RAI2: variants seen among roughly 807,000 people sequenced by gnomAD.
The protein encoded by RAI2 is retinoic acid induced 2.
RAI2 carries 5 observed loss-of-function variants against 15.3 expected under a neutral mutation model. The ratio of observed to expected loss-of-function variants is 0.33; its 90% CI spans 0.17 to 0.69. The LOEUF (loss-of-function observed/expected upper bound fraction) is 0.69, where lower values mean the gene tolerates loss of function less well. Ranked by LOEUF, RAI2 falls within the 30% of genes least tolerant of loss-of-function variation. The probability of loss-of-function intolerance (pLI) is 0.69; values close to 1 mark genes in which losing one functional copy is unlikely to be tolerated. For synonymous variants in RAI2, 191 were observed against 184.0 expected (o/e 1.04, Z -0.31); for missense variants, 424 against 424.7 (o/e 1.00, Z 0.01).
chrX:17,834,040 A>ATT (rs376436864), intron 1 of RAI2, among the ~76,000 whole-genome samples: 8 of 108,699 alleles, frequency 7.4e-5, no homozygotes, highest in African/African-American at 2.7e-4. Flanking sequence ...GAGGAAGCTG[A>ATT]TTTTTTTTTT....
At chrX:17,856,272 G>C (rs1009945959) in intron 1 of RAI2, among the ~76,000 whole-genome samples, 1 of 112,048 alleles carries the variant, frequency 8.9e-6, no homozygotes, top group Non-Finnish European at 1.9e-5. Flanking sequence ...GAATGTGTCT[G>C]TCCCCTCCAA....
chrX:17,850,061 C>G (rs1279882699), intron 1 of RAI2, among the ~76,000 whole-genome samples: 1 of 111,957 alleles, frequency 8.9e-6, no homozygotes, highest in African/African-American at 3.2e-5. Flanking sequence ...AGACGCCCTC[C>G]CATGATGCCT....
At chrX:17,846,358 G>A (rs988584476) in intron 1 of RAI2, among the ~76,000 whole-genome samples, 1 of 111,802 alleles carries the variant, frequency 8.9e-6, no homozygotes, top group Non-Finnish European at 1.9e-5. Context: ...AGGATGGGTG[G>A]TCATGCTAGC....
chrX:17,803,997 C>T (rs1336512615), intron 1 of RAI2, among the ~76,000 whole-genome samples: 3 of 106,603 alleles, frequency 2.8e-5, no homozygotes, highest in Non-Finnish European at 5.8e-5. Context: ...TCCTGCTCTG[C>T]AGCCCAGGCT....
At chrX:17,853,458 C>T (rs1267738219) in intron 1 of RAI2, among the ~76,000 whole-genome samples, 1 of 111,470 alleles carries the variant, frequency 9.0e-6, no homozygotes, top group Non-Finnish European at 1.9e-5. Flanking sequence ...CTAATTTTGT[C>T]CCAGAGGGGA....
At chrX:17,812,171 C>T (rs1295875315) in intron 1 of RAI2, among the ~76,000 whole-genome samples, 1 of 111,680 alleles carries the variant, frequency 9.0e-6, no homozygotes, top group African/African-American at 3.3e-5. Flanking sequence ...GTGCCATTGG[C>T]ATCATTGGCA....
chrX:17,812,216 T>A (rs1262513704), intron 1 of RAI2, among the ~76,000 whole-genome samples: 1 of 112,041 alleles, frequency 8.9e-6, no homozygotes, highest in Admixed American at 9.5e-5. Context: ...CTTGTGAGCA[T>A]CTTGAGTAGT....
In RAI2 at chrX:17,859,856, A is replaced by G. The variant is rs185672104; in HGVS notation, c.-25+1242T>C. On this transcript the variant is annotated intron_variant, in intron 1 of 1. Transcript: ENST00000451717. ...CCACCTCTCCCCTACCTGACTCTGC[A>G]AGCAGCAGCCACATACCCGATATGG... 4.6e-3 allele frequency among the ~76,000 whole-genome samples: 515 copies of G among 112,052 alleles called. 5 individuals carry two copies. Among genetic ancestry groups the G allele is most frequent in the African/African-American group, 0.015 (476 of 30,894 alleles).
chrX:17,830,460 A>G (rs1469511970), intron 1 of RAI2, among the ~76,000 whole-genome samples: 1 of 111,390 alleles, frequency 9.0e-6, no homozygotes, highest in Non-Finnish European at 1.9e-5. Flanking sequence ...TTTCATCCCT[A>G]ACCTTCAAAT....
At position 17,845,963 on chromosome X, in the gene RAI2, A is replaced by T. The variant is rs896974724; in HGVS notation, c.-25+15135T>A. 2.7e-5 allele frequency among the ~76,000 whole-genome samples: 3 copies of T among 112,148 alleles called. No individual in the cohort carries two copies. In the East Asian group the frequency reaches 8.4e-4, roughly 31 times the overall value. On this transcript the variant is annotated intron_variant, in intron 1 of 1. Coordinates refer to ENST00000451717, the MANE Select transcript of RAI2 (RefSeq NM_021785.6). The stretch of plus-strand genomic sequence containing the variant: ...TCTGAAATTCAACTGAAATATCTAG[A>T]CAGGCATCAGATGGGTGGGATAACA...
intron 1 of RAI2, chrX:17,837,869 G>A (rs1601927193): frequency 1.8e-5 from 2 of 112,313 alleles, no homozygotes; most frequent in East Asian, 5.6e-4. Flanking sequence ...AAAAAGACAT[G>A]TTCAAGAATA....
chrX:17,853,606 G>A (rs887574097), intron 1 of RAI2, among the ~76,000 whole-genome samples: 5 of 110,865 alleles, frequency 4.5e-5, no homozygotes, highest in Admixed American at 1.9e-4. Flanking sequence ...AATGTCAACA[G>A]GGCCAAGGTG....
chrX:17,848,057 G>A (rs1257721023), intron 1 of RAI2, among the ~76,000 whole-genome samples: 1 of 111,993 alleles, frequency 8.9e-6, no homozygotes, highest in East Asian at 2.8e-4. Flanking sequence ...TCATGCCTTT[G>A]GAGACTTACT....
chrX:17,825,594 G>A (rs1260618319), intron 1 of RAI2, among the ~76,000 whole-genome samples: 2 of 112,493 alleles, frequency 1.8e-5, no homozygotes, highest in African/African-American at 3.2e-5. Context: ...AGTTCCAGGG[G>A]CTGTGCATGT....
rs1424633878 is a variant in RAI2, at chrX:17,860,948, C to T, written c.-25+150G>A. The T allele has an allele frequency of 2.6e-4, 27 of 104,688 alleles. No individual in the cohort carries two copies. In the Admixed American group the frequency reaches 2.6e-3, roughly 10 times the overall value. The allele number at this position is 104,688 out of a possible 1,213,427, so 8.6% of individuals were successfully genotyped here. ...CTCCCAGCCGGCCCCGGCCTCCGGGCGCCGTCCTGCCCCCGGGAGCAGGCC... is the reference window on the plus strand; with the variant it reads ...CTCCCAGCCGGCCCCGGCCTCCGGGTGCCGTCCTGCCCCCGGGAGCAGGCC... On this transcript the variant is annotated intron_variant, in intron 1 of 1. Coordinates refer to ENST00000451717, the MANE Select transcript of RAI2 (RefSeq NM_021785.6).
intron 1 of RAI2, among the ~76,000 whole-genome samples, chrX:17,811,267 G>C (rs1013919949): frequency 1.2e-4 from 14 of 112,208 alleles, no homozygotes; most frequent in Admixed American, 2.8e-4. Context: ...CTGGACAGGG[G>C]ACTGTGAGAG....
intron 1 of RAI2, among the ~76,000 whole-genome samples, chrX:17,805,350 C>T (rs1038345762): frequency 1.8e-5 from 2 of 112,862 alleles, no homozygotes; most frequent in Non-Finnish European, 3.7e-5. Flanking sequence ...CTTTTTTCCC[C>T]CACAAGGGGC....
chrX:17,802,085 T>C (rs1373175658), intron 1 of RAI2, 51 bp from the exon 2 acceptor site: 5 of 1,132,542 alleles, frequency 4.4e-6, no homozygotes, highest in Non-Finnish European at 5.9e-6. Flanking sequence ...CTATTTATAA[T>C]TGCCTTAAGA....
At chrX:17,824,692 G>C (rs1316813073) in intron 1 of RAI2, among the ~76,000 whole-genome samples, 2 of 112,103 alleles carry the variant, frequency 1.8e-5, no homozygotes, top group Non-Finnish European at 3.8e-5. Context: ...TATGAACAAA[G>C]GTGTCAGCAA....
Sources: gnomAD v4.1 joint callset for allele counts (sites outside exome capture counted in the v4.1 genomes callset) on GRCh38, gnomAD v4.1.1 for gene constraint, MANE v1.5 for transcripts, NCBI Gene and HGNC (gene_info 2026-07-23, HGNC 2026-07-21) for gene names.